The following C12orf76 variants were observed in gnomAD, a reference collection of about 807,000 sequenced individuals.
C12orf76 encodes chromosome 12 open reading frame 76.
In C12orf76, 6 loss-of-function variants were observed where a neutral mutation model predicts 6.8. That is an observed-to-expected ratio of 0.88 (90% confidence interval 0.48 to 1.73). The LOEUF (loss-of-function observed/expected upper bound fraction) is 1.73, where lower values mean the gene tolerates loss of function less well. Among genes scored for constraint, C12orf76 ranks in the 40% most tolerant of loss-of-function variants. The pLI, the probability that C12orf76 is intolerant of heterozygous loss-of-function variation, is 0.01. For synonymous variants in C12orf76, 56 were observed against 43.7 expected, an observed-to-expected ratio of 1.28 and a Z score of -1.11; for missense variants, 99 against 98.2, an observed-to-expected ratio of 1.01 and a Z score of -0.03.
At position 110,054,854 on chromosome 12, in the gene C12orf76, G is replaced by A. The variant is rs11064872; in HGVS notation, n.664+2335C>T. Among the ~76,000 whole-genome samples the A allele has an allele frequency of 0.068, 10,420 of 152,246 alleles. 586 individuals are homozygous for A. Among genetic ancestry groups the A allele is most frequent in the African/African-American group, 0.15 (6,292 of 41,520 alleles). Reference sequence around the variant, plus strand: ...TGTGTTGCCGAGGCTGGAACGCAGTGGCTATTTCACAGGTGCAGTCACAGC... The same window carrying A: ...TGTGTTGCCGAGGCTGGAACGCAGTAGCTATTTCACAGGTGCAGTCACAGC... On this transcript the variant is annotated intron_variant and non_coding_transcript_variant, in intron 4 of 4. Transcript: ENST00000309050. This position sits in a 1 kb window ranked among gnomAD's most constrained non-coding sequence, Gnocchi z 4.4.
exon 1 of C12orf76, chr12:110,067,595 C>T (rs927214062): frequency 6.1e-6 from 6 of 985,196 alleles, no homozygotes; most frequent in African/African-American, 3.5e-5. Flanking sequence ...GTCATCTTCT[C>T]GAACTCCAGA....
At chr12:110,068,321 A>AGAG (rs1892915879), upstream of C12orf76, among the ~76,000 whole-genome samples, 3 of 140,614 alleles carry the variant, frequency 2.1e-5, no homozygotes, top group Admixed American at 2.1e-4. Flanking sequence ...AAGAAGAAGA[A>AGAG]GAAGAAGAAG....
chr12:110,055,447 T>C (rs190208298), intron 4 of C12orf76, among the ~76,000 whole-genome samples: 75 of 152,228 alleles, frequency 4.9e-4, no homozygotes, highest in East Asian at 1.9e-4. Context: ...CTTCAGGTGA[T>C]CCACCCACCT....
chr12:110,062,952 G>A (rs961042189), intron 2 of C12orf76, among the ~76,000 whole-genome samples: 11 of 149,542 alleles, frequency 7.4e-5, no homozygotes, highest in African/African-American at 2.5e-4. Flanking sequence ...TGAATAAAGA[G>A]ATTTTTTTTT....
intron 2 of C12orf76, among the ~76,000 whole-genome samples, chr12:110,060,213 T>A (rs1433875533): frequency 6.6e-6 from 1 of 151,798 alleles, no homozygotes; most frequent in Non-Finnish European, 1.5e-5. Context: ...GCAACAAGAG[T>A]GAAACTCTGT....
chr12:110,066,645 G>A (rs1200425887), intron 1 of C12orf76, among the ~76,000 whole-genome samples: 2 of 151,930 alleles, frequency 1.3e-5, no homozygotes, highest in African/African-American at 4.8e-5. Flanking sequence ...CCAAGATCGC[G>A]CCATTTCACT....
intron 4 of C12orf76, among the ~76,000 whole-genome samples, chr12:110,055,076 A>C (rs1892646076): frequency 6.6e-6 from 1 of 152,218 alleles, no homozygotes; most frequent in Admixed American, 6.5e-5. Flanking sequence ...GGATGATGGT[A>C]TGTGGGTGTT....
upstream of C12orf76, chr12:110,051,063 C>T (rs1484242147): frequency 1.3e-6 from 1 of 780,220 alleles, no homozygotes; most frequent in Non-Finnish European, 2.4e-6. Flanking sequence ...TTTCTTTCTC[C>T]ACGATCTCCT....
chr12:110,068,274 G>GAAGAAGAAGA (rs1566080129), upstream of C12orf76, among the ~76,000 whole-genome samples: 1 of 133,548 alleles, frequency 7.5e-6, no homozygotes, highest in Admixed American at 7.7e-5. Context: ...AGAAGAAGAA[G>GAAGAAGAAGA]AAGAAGAAGA....
chr12:110,071,493 T>C (rs1593253297), upstream of C12orf76, among the ~76,000 whole-genome samples: 1 of 152,310 alleles, frequency 6.6e-6, no homozygotes, highest in East Asian at 1.9e-4. Flanking sequence ...ATCATCATGA[T>C]AAGGGCTCCT....
intron 2 of C12orf76, among the ~76,000 whole-genome samples, chr12:110,063,132 G>T (rs1383777507): frequency 6.7e-6 from 1 of 148,638 alleles, no homozygotes; most frequent in Non-Finnish European, 1.5e-5. Flanking sequence ...TAGACACAGG[G>T]TTTCACCATG....
At position 110,047,639 on chromosome 12, in the gene C12orf76, G is replaced by A. The variant is rs146109719; in HGVS notation, c.133+724C>T. 6.8e-3 allele frequency among the ~76,000 whole-genome samples: 1,039 copies of A among 152,164 alleles called. 1 individual carries two copies. The highest frequency in any genetic ancestry group is 9.5e-3 in the Non-Finnish European group (644 of 67,998). Reference sequence around the variant, plus strand: ...GCCGAGGCTGCAGTGAGCCAAGATCGTGCCACAGCACTCCAGCCTGGGTGA... The same window carrying A: ...GCCGAGGCTGCAGTGAGCCAAGATCATGCCACAGCACTCCAGCCTGGGTGA... On this transcript the variant is annotated intron_variant, in intron 1 of 1. Coordinates refer to ENST00000615315, the MANE Select transcript of C12orf76 (RefSeq NM_001389625.1).
Position 110,054,738 on chromosome 12 carries a change from T to C in C12orf76, n.664+2451A>G, listed in dbSNP as rs1892641088. Among the ~76,000 whole-genome samples the C allele has an allele frequency of 6.6e-6, 1 of 152,256 alleles. No homozygotes were observed. The highest frequency in any genetic ancestry group is 2.4e-5 in the African/African-American group (1 of 41,466). On this transcript the variant is annotated intron_variant and non_coding_transcript_variant, in intron 4 of 4. Coordinates refer to the C12orf76 transcript ENST00000309050. The surrounding 1 kb of genome is among the most constrained non-coding windows in gnomAD (Gnocchi z 4.4). ...AAAAGTAAAAATTATATTTTTTACA[T>C]ATGTAGACATATATGTGTTTAGAAA... is the stretch of plus-strand genomic sequence containing the variant.
intron 1 of C12orf76, chr12:110,066,146 C>A (rs559940354): frequency 2.3e-5 from 30 of 1,316,902 alleles, no homozygotes; most frequent in South Asian, 1.5e-5. Flanking sequence ...CCGAGGCAGG[C>A]GGATCACTTG....
At chr12:110,069,247 T>TG (rs1892931846), upstream of C12orf76, among the ~76,000 whole-genome samples, 4 of 152,108 alleles carry the variant, frequency 2.6e-5, no homozygotes, top group Admixed American at 2.6e-4. Context: ...GTGACCATCC[T>TG]GGCTATCATG....
chr12:110,051,951 G>A (rs1458033643), upstream of C12orf76, among the ~76,000 whole-genome samples: 10 of 127,518 alleles, frequency 7.8e-5, no homozygotes, highest in African/African-American at 1.8e-4. Flanking sequence ...TCACTCTGTC[G>A]CCCAGGCTGG....
chr12:110,046,370 G>T (rs1332379557), intron 1 of C12orf76, among the ~76,000 whole-genome samples: 18 of 152,242 alleles, frequency 1.2e-4, no homozygotes, highest in Non-Finnish European at 2.9e-5. Context: ...AGGCTGCAGT[G>T]AGCTGAGACC....
upstream of C12orf76, among the ~76,000 whole-genome samples, chr12:110,072,437 G>A (rs555788799): frequency 2.0e-5 from 3 of 152,082 alleles, no homozygotes; most frequent in Non-Finnish European, 2.9e-5. Flanking sequence ...GCAGATTCAT[G>A]GGTGGGAAGG....
chr12:110,047,972 G>C (rs1892493112), intron 1 of C12orf76, among the ~76,000 whole-genome samples: 1 of 152,126 alleles, frequency 6.6e-6, no homozygotes, highest in Admixed American at 6.5e-5. Context: ...TACATATTGA[G>C]AGCTTACTGG....
Sources: allele counts gnomAD v4.1 joint callset (sites outside exome capture counted in the v4.1 genomes callset), GRCh38; gene constraint gnomAD v4.1.1; non-coding constraint Gnocchi (gnomAD v3.1); transcripts MANE v1.5; gene names NCBI Gene and HGNC (gene_info 2026-07-23, HGNC 2026-07-21).